The following PCDHA7 variants were observed in gnomAD, a reference collection of about 807,000 sequenced individuals.
PCDHA7 encodes protocadherin alpha 7, also known as protocadherin alpha-7.
Under a neutral mutation model 57.2 loss-of-function variants are expected in PCDHA7, and 37 were observed. That is an observed-to-expected ratio of 0.65 (90% CI 0.50 to 0.85). The LOEUF is 0.85. PCDHA7 is among the 40% of genes least tolerant of loss of function. PCDHA7 has a pLI of 0.00. For synonymous variants in PCDHA7, 553 were observed against 558.8 expected (o/e 0.99, Z 0.15); for missense variants, 1,188 against 1,241.8 (o/e 0.96, Z 0.65).
intron 1 of PCDHA7, among the ~76,000 whole-genome samples, chr5:140,898,000 T>G (rs1420296585): frequency 6.6e-5 from 10 of 152,348 alleles, no homozygotes; most frequent in African/African-American, 2.4e-4. Flanking sequence ...TTGAGAAGTG[T>G]CTGTTCATAT....
chr5:140,856,311 G>C, intron 1 of PCDHA7: 1 of 1,598,566 alleles, frequency 6.3e-7, no homozygotes, highest in Non-Finnish European at 8.6e-7. Context: ...GTGAATTCTC[G>C]GATTGACCGC....
chr5:140,874,557 G>T (rs782715249), intron 1 of PCDHA7, among the ~76,000 whole-genome samples: 3 of 152,146 alleles, frequency 2.0e-5, no homozygotes, highest in African/African-American at 7.2e-5. Flanking sequence ...GAGATCTTTC[G>T]CATTTTAGTG....
At chr5:140,929,663 G>A (rs1284467278) in intron 1 of PCDHA7, 1 of 336,002 alleles carries the variant, frequency 3.0e-6, no homozygotes, top group African/African-American at 2.1e-5. Context: ...TATTTAAAGT[G>A]AAGAATGAAA....
At chr5:141,000,824 T>C (rs1477357302) in intron 3 of PCDHA7, among the ~76,000 whole-genome samples, 1 of 152,064 alleles carries the variant, frequency 6.6e-6, no homozygotes, top group Non-Finnish European at 1.5e-5. Context: ...GGAGGATCAC[T>C]TGAGTCCAGG....
At chr5:140,933,512 A>C (rs2089201610) in intron 1 of PCDHA7, among the ~76,000 whole-genome samples, 1 of 152,078 alleles carries the variant, frequency 6.6e-6, no homozygotes, top group African/African-American at 2.4e-5. Context: ...CAAAGACTAC[A>C]GCTGTTTTGT....
chr5:140,868,940 A>G, intron 1 of PCDHA7: 1 of 1,249,402 alleles, frequency 8.0e-7, no homozygotes, highest in South Asian at 1.6e-5. Context: ...GGTTGGTCTG[A>G]ACAGTGAGGC....
intron 3 of PCDHA7, among the ~76,000 whole-genome samples, chr5:140,992,543 T>G (rs1226407687): frequency 6.6e-6 from 1 of 152,186 alleles, no homozygotes; most frequent in African/African-American, 2.4e-5. Flanking sequence ...CTGTCACAAG[T>G]GATGCCAGGA....
chr5:141,001,559 G>A (rs1277713814), intron 3 of PCDHA7, among the ~76,000 whole-genome samples: 1 of 152,190 alleles, frequency 6.6e-6, no homozygotes, highest in Non-Finnish European at 1.5e-5. Context: ...TTCAGACCAC[G>A]ATTCTCCTGT....
intron 1 of PCDHA7, chr5:140,927,766 GAGGTGCA>G: frequency 6.2e-7 from 1 of 1,614,234 alleles, no homozygotes. Context: ...TAAAAGTGGG[GAGGTGCA>G]AGTAGCTGCT....
intron 1 of PCDHA7, chr5:140,884,538 G>C: frequency 6.2e-7 from 1 of 1,614,112 alleles, no homozygotes; most frequent in Non-Finnish European, 8.5e-7. Flanking sequence ...AGGCGGCCGA[G>C]GGTGTGCTCT....
chr5:141,011,104 C>G lies in PCDHA7; in HGVS notation c.*1167C>G, dbSNP rs1396728499. The G allele has an allele frequency of 6.5e-6, 1 of 153,844 alleles. No homozygotes were observed. Among genetic ancestry groups the G allele is most frequent in the Non-Finnish European group, 1.5e-5 (1 of 68,020 alleles). The allele number at this position is 153,844 out of a possible 1,614,324, so 9.5% of individuals were successfully genotyped here. A position where few individuals can be genotyped will look rare whatever the true frequency, so the allele number is the denominator to read the frequency against. On this transcript the variant is annotated 3_prime_UTR_variant, in exon 4 of 4. Transcript: ENST00000525929. ...GATCTCTCTTTCTCTCTCTCTCTCT[C>G]TTTTCTAAGAAACAATTATGTGCAC... is the stretch of plus-strand genomic sequence containing the variant.
chr5:140,863,150 AC>A (rs1554157831), intron 1 of PCDHA7: 2 of 619,160 alleles, frequency 3.2e-6, no homozygotes, highest in Non-Finnish European at 6.2e-6. Context: ...CTGGTGAAGG[AC>A]CACTGCGAGC....
chr5:140,851,332 C>T (rs2042029710), intron 1 of PCDHA7: 1 of 971,624 alleles, frequency 1.0e-6, no homozygotes, highest in Non-Finnish European at 1.3e-6. Context: ...GTTTGTAGTT[C>T]TCTACATTTC....
chr5:140,941,809 TAG>T (rs1477400878), intron 1 of PCDHA7, among the ~76,000 whole-genome samples: 5 of 152,254 alleles, frequency 3.3e-5, no homozygotes, highest in Non-Finnish European at 5.9e-5. Context: ...TTGATTTCAG[TAG>T]GATGACTGCT....
At chr5:140,958,343 T>C (rs904666839) in intron 1 of PCDHA7, among the ~76,000 whole-genome samples, 2 of 152,144 alleles carry the variant, frequency 1.3e-5, no homozygotes, top group African/African-American at 4.8e-5. Flanking sequence ...TCACAGGAAG[T>C]TCACAGTCTG....
intron 1 of PCDHA7, among the ~76,000 whole-genome samples, chr5:140,960,822 T>C (rs1225829114): frequency 4.6e-5 from 7 of 152,080 alleles, no homozygotes; most frequent in African/African-American, 1.7e-4. Context: ...AAGTGATGAA[T>C]GGAAACTTGG....
intron 1 of PCDHA7, chr5:140,870,945 G>A (rs782397621): frequency 1.2e-6 from 2 of 1,613,724 alleles, no homozygotes; most frequent in Non-Finnish European, 1.7e-6. Context: ...AGCCGGCGGC[G>A]GGCGGCTCGC....
chr5:140,882,818 A>G, intron 1 of PCDHA7: 1 of 1,614,226 alleles, frequency 6.2e-7, no homozygotes, highest in Non-Finnish European at 8.5e-7. Flanking sequence ...GGACGCACAA[A>G]ACAGTCTTGA....
rs2150260582 is a variant in PCDHA7 at position 140,836,425 on chromosome 5, G to C, written c.2042G>C (p.Arg681Pro). The part of the protein sequence containing the change: ...ESGQAPKASS[R>P]ASLGIAGPET... ...GGCCAGGCACCAAAGGCGTCGTCGC[G>C]GGCATCGTTGGGCATTGCAGGCCCA... is the stretch of plus-strand genomic sequence containing the variant. Residue 681 changes from arginine to proline, a missense_variant, in exon 1 of 4, where the codon CGG (arginine) becomes CCG (proline). Coordinates refer to ENST00000525929, the MANE Select transcript of PCDHA7 (RefSeq NM_018910.3). 1.2e-6 allele frequency: 2 copies of C among 1,613,790 alleles called. No individual in the cohort carries two copies. The highest frequency in any genetic ancestry group is 1.7e-6 in the Non-Finnish European group (2 of 1,179,856).
Sources: allele counts gnomAD v4.1 joint callset (sites outside exome capture counted in the v4.1 genomes callset), GRCh38; gene constraint gnomAD v4.1.1; transcripts MANE v1.5; gene names NCBI Gene and HGNC (gene_info 2026-07-23, HGNC 2026-07-21).